The following FLG2 variants were observed in gnomAD, a reference collection of about 807,000 sequenced individuals.
FLG2 encodes the protein filaggrin-2.
FLG2 carries 7 observed loss-of-function variants against 3.9 expected under a neutral mutation model. That is an observed-to-expected ratio of 1.79 (90% CI 1.02 to 3.36). The LOEUF (loss-of-function observed/expected upper bound fraction) is 3.36, where lower values mean the gene tolerates loss of function less well. FLG2 is among the 30% of genes most tolerant of loss of function. The pLI is 0.00. For synonymous variants in FLG2, 1,031 were observed against 1,056.1 expected, an observed-to-expected ratio of 0.98 and a Z score of 0.46; for missense variants, 2,700 against 2,809.4, an observed-to-expected ratio of 0.96 and a Z score of 0.88.
chr1:152,353,989 C>T lies in FLG2; in HGVS notation c.3797G>A (p.Arg1266Lys), dbSNP rs1325659183. 3 of 1,614,110 alleles carry T rather than the reference C, an allele frequency of 1.9e-6. No homozygotes were observed. The highest frequency in any genetic ancestry group is 3.3e-5 in the Admixed American group (2 of 60,010). ...CTCACTTTGGCTAGATCTTCGTCTT[C>T]TAGTTACCCTGGACCCTGTCTGTGT... ...QSTQTGSRVT[R>K]RRRSSQSENS... Residue 1266 changes from arginine to lysine, a missense_variant, in exon 3 of 3, where the codon AGA becomes AAA. Transcript: ENST00000388718.
Position 152,357,654 on chromosome 1 carries a change from A to G in FLG2, c.139-7T>C. On this transcript the variant is annotated splice_polypyrimidine_tract_variant and splice_region_variant and intron_variant, in intron 2 of 2. Coordinates refer to ENST00000388718, the MANE Select transcript of FLG2 (RefSeq NM_001014342.3). ...TGTCTGGATCATCTGGGTTCTGTAT[A>G]TGAGTGACACACCAAGGGAGACCTG... The G allele has an allele frequency of 6.2e-7, 1 of 1,605,074 alleles. No homozygotes were observed.
chr1:152,351,187 G>T lies in FLG2; in HGVS notation c.6599C>A (p.Thr2200Asn). Residue 2200 changes from threonine (T) to asparagine (N), a missense_variant, in exon 3 of 3, where the codon ACT becomes AAT. Physicochemically the swap from Thr to Asn is moderately conservative, Grantham distance 65. Transcript: ENST00000388718. ...ATGTCGAGATCCGGCTTGGCTGTGA[G>T]TGTGTCCTGAATGTGTGGGTGAGGC... ...SEASPTHSGH[T>N]HSQAGSRHGQ... The T allele has an allele frequency of 6.2e-7, 1 of 1,613,372 alleles. No individual in the cohort carries two copies. The highest frequency in any genetic ancestry group is 1.1e-5 in the South Asian group (1 of 91,046).
rs1484777129 is a variant in FLG2, at chr1:152,357,635, G to T, written c.151C>A (p.Pro51Thr). The T allele has an allele frequency of 1.2e-6, 2 of 1,611,876 alleles. No homozygotes were observed. Among genetic ancestry groups the T allele is most frequent in the South Asian group, 1.1e-5 (1 of 90,642 alleles). ...LHPVLKNPDD[P>T]DTVDVIMHML... The stretch of plus-strand genomic sequence containing the variant: ...TGCATGATGACATCCACTGTGTCTG[G>T]ATCATCTGGGTTCTGTATATGAGTG... The change falls in exon 3 of 3, where the codon CCA becomes ACA. Residue 51 changes from proline to threonine, a missense_variant. Pro to Thr is a conservative substitution (Grantham distance 38). Transcript: ENST00000388718.
At chr1:152,359,181 T>A (rs781178085) in intron 1 of FLG2, among the ~76,000 whole-genome samples, 11 of 152,194 alleles carry the variant, frequency 7.2e-5, no homozygotes, top group Non-Finnish European at 1.3e-4. Flanking sequence ...GTAAGTATAG[T>A]CTCTACATAG....
Position 152,353,220 on chromosome 1 carries a change from G to A in FLG2, c.4566C>T (p.His1522=), listed in dbSNP as rs749563776. The A allele has an allele frequency of 1.0e-5, 16 of 1,565,916 alleles. No individual in the cohort carries two copies. The highest frequency in any genetic ancestry group is 1.7e-4 in the Middle Eastern group (1 of 5,836). Residue 1522 remains histidine (H), a synonymous_variant, in exon 3 of 3, where the codon CAC becomes CAT. Transcript: ENST00000388718. Reference sequence around the variant, plus strand: ...CTCCATGTTGAGATCCACTTTGGCCGTGAGTGTGTCCTGAATGTGTGTGCG... The same window carrying A: ...CTCCATGTTGAGATCCACTTTGGCCATGAGTGTGTCCTGAATGTGTGTGCG... The part of the protein sequence containing the change: ...GGSHTHSGHT[H]GQSGSQHGES...
chr1:152,355,465 C>A lies in FLG2; in HGVS notation c.2321G>T (p.Ser774Ile), dbSNP rs1654176425. Residue 774 changes from serine to isoleucine, a missense_variant, in exon 3 of 3, where the codon AGT (serine) becomes ATT (isoleucine). Ser to Ile is a moderately radical substitution (Grantham distance 142). Coordinates refer to ENST00000388718, the MANE Select transcript of FLG2 (RefSeq NM_001014342.3). ...GCCAGATGACTGACTTGAGCCAGAA[C>A]TGTGTTGGCCATAGCTAGACTGACC... is the stretch of plus-strand genomic sequence containing the variant. Reference protein sequence around the residue: ...RSGQSSYGQHSSGSSQSSGYG... With the variant: ...RSGQSSYGQHISGSSQSSGYG... 1.2e-6 allele frequency: 2 copies of A among 1,612,722 alleles called. No individual in the cohort carries two copies. Among genetic ancestry groups the A allele is most frequent in the Non-Finnish European group, 1.7e-6 (2 of 1,179,780 alleles).
rs1260471834 is a variant in FLG2 at position 152,354,458 on chromosome 1, C to A, written c.3328G>T (p.Gly1110Cys). 6.2e-7 allele frequency: 1 copy of A among 1,614,138 alleles called. No individual in the cohort carries two copies. The change falls in exon 3 of 3, where the codon GGT becomes TGT. Residue 1110 changes from glycine (G) to cysteine (C), a missense_variant. Physicochemically the swap from Gly to Cys is radical, Grantham distance 159. Transcript: ENST00000388718. ...TATTGGCCAAAGCCAGAGGACTGAC[C>A]TGAGCCTGGCCTGTGTTGTCCAAAT... ...SGFGQHRPGS[G>C]QSSGFGQYGS...
Position 152,358,764 on chromosome 1 carries a change from G to A in FLG2, c.121C>T (p.Leu41Phe), listed in dbSNP as rs3818831. 308,894 of 1,612,820 alleles carry A rather than the reference G, an allele frequency of 0.19. 36,242 individuals carry two copies. Among genetic ancestry groups the A allele is most frequent in the East Asian group, 0.45 (20,336 of 44,818 alleles). Reference sequence around the variant, plus strand: ...GCTCTCACCTTCAGAACTGGATGAAGCTCTTTCTCCAGAAGTTCCTTTAGT... The same window carrying A: ...GCTCTCACCTTCAGAACTGGATGAAACTCTTTCTCCAGAAGTTCCTTTAGT... ...GELKELLEKELHPVLKNPDDP... is the reference protein window; with the variant it reads ...GELKELLEKEFHPVLKNPDDP... Residue 41 changes from leucine (L) to phenylalanine (F), a missense_variant, in exon 2 of 3, where the codon CTT (leucine) becomes TTT (phenylalanine). Coordinates refer to ENST00000388718, the MANE Select transcript of FLG2 (RefSeq NM_001014342.3).
At chr1:152,359,852 G>T (rs987534433) in intron 1 of FLG2, 104 bp downstream of exon 1, 4 of 152,078 alleles carry the variant, frequency 2.6e-5, no homozygotes, top group Non-Finnish European at 5.9e-5. Context: ...AAAAAGAAAA[G>T]AAAGGCAAAA....
Position 152,356,337 on chromosome 1 carries a change from C to T in FLG2, c.1449G>A (p.Gly483=), listed in dbSNP as rs1654230713. The T allele has an allele frequency of 1.2e-6, 2 of 1,614,016 alleles. No individual in the cohort carries two copies. The highest frequency in any genetic ancestry group is 1.3e-5 in the African/African-American group (1 of 74,894). ...SGKTSGFGQH[G]SGSGQSSGFG... Reference sequence around the variant, plus strand: ...AGCCAGAGGACTGACCTGAGCCAGACCCATGTTGTCCAAAGCCAGATGTCT... The same window carrying T: ...AGCCAGAGGACTGACCTGAGCCAGATCCATGTTGTCCAAAGCCAGATGTCT... Residue 483 remains glycine, a synonymous_variant, in exon 3 of 3, where the codon GGG becomes GGA. Transcript: ENST00000388718.
At position 152,351,700 on chromosome 1, in the gene FLG2, C is replaced by T; in HGVS notation, c.6086G>A (p.Gly2029Asp). ...GSRTTGRRASGHSEYSDSEGH... is the reference protein window; with the variant it reads ...GSRTTGRRASDHSEYSDSEGH... ...TTCACTGTCACTGTACTCACTGTGG[C>T]CAGATGCCCTTCTTCCAGTTGTCCT... is the stretch of plus-strand genomic sequence containing the variant. The change falls in exon 3 of 3, where the codon GGC becomes GAC. Residue 2029 changes from glycine to aspartate, a missense_variant. Gly to Asp is a moderately conservative substitution (Grantham distance 94, BLOSUM62 -1). Coordinates refer to ENST00000388718, the MANE Select transcript of FLG2 (RefSeq NM_001014342.3). 1.9e-6 allele frequency: 3 copies of T among 1,610,400 alleles called. No homozygotes were observed. The highest frequency in any genetic ancestry group is 2.5e-6 in the Non-Finnish European group (3 of 1,179,332).
In FLG2 at chr1:152,349,890, G is replaced by A. The variant is rs1339806485; in HGVS notation, c.*720C>T. 1.3e-5 allele frequency: 2 copies of A among 153,078 alleles called. No individual in the cohort carries two copies. The highest frequency in any genetic ancestry group is 1.5e-5 in the Non-Finnish European group (1 of 68,372). 9.5% of individuals were successfully genotyped at this position (153,078 alleles called of 1,614,324 possible). A position where few individuals can be genotyped will look rare whatever the true frequency, so the allele number is the denominator to read the frequency against. On this transcript the variant is annotated 3_prime_UTR_variant, in exon 3 of 3. Coordinates refer to ENST00000388718, the MANE Select transcript of FLG2 (RefSeq NM_001014342.3). ...CTCCCCCACTGCATATGGTTGCACT[G>A]CTTGATGAATATCTATACCTATACT...
chr1:152,351,056 C>G lies in FLG2; in HGVS notation c.6730G>C (p.Gly2244Arg). 1 of 1,613,322 alleles carries G rather than the reference C, an allele frequency of 6.2e-7. No homozygotes were observed. The highest frequency in any genetic ancestry group is 8.5e-7 in the Non-Finnish European group (1 of 1,179,836). The change falls in exon 3 of 3, where the codon GGG becomes CGG. Residue 2244 changes from glycine to arginine, a missense_variant. Gly to Arg is a moderately radical substitution (Grantham distance 125, BLOSUM62 -2). Coordinates refer to ENST00000388718, the MANE Select transcript of FLG2 (RefSeq NM_001014342.3). ...HYGYGQSTQR[G>R]SRTTGRRGSG... ...CCCCTTCTTCCAGTTGTCCTGGACC[C>G]TCTCTGTGTGGATTGTCCATAACCA...
rs780579608 is a variant in FLG2, at chr1:152,352,632, G to C, written c.5154C>G (p.Ser1718=). The stretch of plus-strand genomic sequence containing the variant: ...CAGATCCCCTTCTTCCAGTAGTCCT[G>C]GACCCTGTCTGTGTGGTTAATCCAT... The part of the protein sequence containing the change: ...YHHGLTTQTG[S]RTTGRRGSGH... Residue 1718 remains serine (S), a synonymous_variant, in exon 3 of 3, where the codon TCC becomes TCG. Transcript: ENST00000388718. The C allele has an allele frequency of 6.2e-7, 1 of 1,613,504 alleles. No individual in the cohort carries two copies. Among genetic ancestry groups the C allele is most frequent in the Non-Finnish European group, 8.5e-7 (1 of 1,179,698 alleles).
At chr1:152,359,029 A>G in intron 1 of FLG2, 123 bp from the exon 2 acceptor site, 1 of 870,580 alleles carries the variant, frequency 1.1e-6, no homozygotes, top group Non-Finnish European at 1.7e-6. Context: ...AAAACGTAAG[A>G]ATGGGCCAGG....
At position 152,354,015 on chromosome 1, in the gene FLG2, G is replaced by A. The variant is rs761086871; in HGVS notation, c.3771C>T (p.Ser1257=). The change falls in exon 3 of 3, where the codon TCC becomes TCT. Residue 1257 remains serine, a synonymous_variant. Transcript: ENST00000388718. ...TRHSQSGQGQ[S]TQTGSRVTRR... is the part of the protein sequence containing the mutation. Reference sequence around the variant, plus strand: ...TAGTTACCCTGGACCCTGTCTGTGTGGATTGTCCTTGACCAGACTGGCTAT... The same window carrying A: ...TAGTTACCCTGGACCCTGTCTGTGTAGATTGTCCTTGACCAGACTGGCTAT... 38 of 1,613,990 alleles carry A rather than the reference G, an allele frequency of 2.4e-5. No individual in the cohort carries two copies. Among genetic ancestry groups the A allele is most frequent in the Admixed American group, 3.3e-5 (2 of 60,002 alleles).
rs763201375 is a variant in FLG2 at position 152,355,820 on chromosome 1, C to T, written c.1966G>A (p.Gly656Ser). Residue 656 changes from glycine to serine, a missense_variant, in exon 3 of 3, where the codon GGC (glycine) becomes AGC (serine). Gly to Ser is a moderately conservative substitution (Grantham distance 56). Coordinates refer to ENST00000388718, the MANE Select transcript of FLG2 (RefSeq NM_001014342.3). Reference sequence around the variant, plus strand: ...TGACCTGAGCCTGATCCATATTGGCCAAAGCCAGTGGATTGACTTGAGCCT... The same window carrying T: ...TGACCTGAGCCTGATCCATATTGGCTAAAGCCAGTGGATTGACTTGAGCCT... ...GSGSSQSTGF[G>S]QYGSGSGQSS... The T allele has an allele frequency of 1.2e-6, 2 of 1,613,234 alleles. No individual in the cohort carries two copies. Among genetic ancestry groups the T allele is most frequent in the Non-Finnish European group, 1.7e-6 (2 of 1,179,862 alleles).
rs778007896 is a variant in FLG2 at position 152,351,371 on chromosome 1, C to A, written c.6415G>T (p.Ala2139Ser). The change falls in exon 3 of 3, where the codon GCC becomes TCC. Residue 2139 changes from alanine (A) to serine (S), a missense_variant. Ala to Ser is a moderately conservative substitution (Grantham distance 99). Transcript: ENST00000388718. ...ATAGTTCCCTGTCTCCCGTGAATGG[C>A]AGATCCTGACTCTCCATGTTGAGAT... Reference protein sequence around the residue: ...ARSQHGESGSAIHGRQGTIHG... With the variant: ...ARSQHGESGSSIHGRQGTIHG... 15 of 1,611,556 alleles carry A rather than the reference C, an allele frequency of 9.3e-6. No individual in the cohort carries two copies. The Admixed American group carries it at 2.3e-4, about 25-fold the overall frequency.
chr1:152,357,761 C>T, intron 2 of FLG2, 114 bp from the exon 3 acceptor site: 1 of 737,346 alleles, frequency 1.4e-6, no homozygotes, highest in Admixed American at 2.7e-5. Context: ...TAGTTTTAGT[C>T]CAATAAAGGA....
Sources: allele counts gnomAD v4.1 joint callset (sites outside exome capture counted in the v4.1 genomes callset), GRCh38; gene constraint gnomAD v4.1.1; transcripts MANE v1.5; gene names NCBI Gene and HGNC (gene_info 2026-07-23, HGNC 2026-07-21).